The following HSDL2 variants were observed in gnomAD, a reference collection of about 807,000 sequenced individuals.
HSDL2 encodes the protein hydroxysteroid dehydrogenase-like protein 2.
In HSDL2, 27 loss-of-function variants were observed where a neutral mutation model predicts 46.3. That is an observed-to-expected ratio of 0.58 (90% CI 0.43 to 0.80). HSDL2 has a LOEUF of 0.80. Among genes scored for constraint, HSDL2 ranks in the 30% least tolerant of loss-of-function variants. HSDL2 has a pLI of 0.00. For missense variants in HSDL2, 451 were observed against 502.7 expected, an observed-to-expected ratio of 0.90 and a Z score of 0.98; for synonymous variants, 153 against 163.6, an observed-to-expected ratio of 0.94 and a Z score of 0.50.
chr9:112,453,999 A>T lies in HSDL2; in HGVS notation c.866-14A>T. The T allele has an allele frequency of 6.2e-7, 1 of 1,609,894 alleles. No individual in the cohort carries two copies. The highest frequency in any genetic ancestry group is 1.1e-5 in the South Asian group (1 of 90,292). ...CCAAGCATTAAGGTCATTTGCTTCA[A>T]TAATATCTTATAGGTGCTGTTCCAG... On this transcript the variant is annotated splice_polypyrimidine_tract_variant and intron_variant, in intron 8 of 10. Transcript: ENST00000398805.
intron 1 of HSDL2, among the ~76,000 whole-genome samples, chr9:112,384,889 C>T (rs1831183672): frequency 6.6e-6 from 1 of 151,680 alleles, no homozygotes; most frequent in Non-Finnish European, 1.5e-5. Flanking sequence ...GCAGCTGCAT[C>T]GAAAGAAAAA....
At chr9:112,389,630 A>G (rs1305689848) in intron 1 of HSDL2, among the ~76,000 whole-genome samples, 1 of 152,188 alleles carries the variant, frequency 6.6e-6, no homozygotes, top group Non-Finnish European at 1.5e-5. Context: ...GACCTAAATA[A>G]ATGGAATTAT....
intron 3 of HSDL2, among the ~76,000 whole-genome samples, chr9:112,408,557 T>TA (rs1831786583): frequency 6.6e-5 from 10 of 152,226 alleles, no homozygotes; most frequent in Admixed American, 6.5e-4. Flanking sequence ...AGAGTATACT[T>TA]ACACAAACAT....
chr9:112,424,103 G>A (rs1394945902), intron 6 of HSDL2, among the ~76,000 whole-genome samples: 3 of 151,470 alleles, frequency 2.0e-5, no homozygotes, highest in Non-Finnish European at 2.9e-5. Flanking sequence ...GGCGGATCAC[G>A]AGGTCAGGAG....
intron 1 of HSDL2, 121 bp downstream of exon 1, chr9:112,380,301 G>A (rs934201752): frequency 3.3e-6 from 3 of 917,238 alleles, no homozygotes; most frequent in Non-Finnish European, 4.9e-6. Flanking sequence ...ATACTGCCTG[G>A]GCACGCTCTG....
intron 8 of HSDL2, among the ~76,000 whole-genome samples, chr9:112,448,970 A>C (rs1236924939): frequency 1.3e-5 from 2 of 150,090 alleles, no homozygotes; most frequent in Non-Finnish European, 2.9e-5. Flanking sequence ...TTTTTAAAAA[A>C]TAAAAACCCA....
intron 8 of HSDL2, among the ~76,000 whole-genome samples, chr9:112,447,167 A>G (rs1369491991): frequency 6.6e-6 from 1 of 152,196 alleles, no homozygotes; most frequent in Non-Finnish European, 1.5e-5. Flanking sequence ...AGCCTGTGTC[A>G]GGGACTACCA....
At chr9:112,395,985 C>A (rs1373417965) in intron 1 of HSDL2, among the ~76,000 whole-genome samples, 1 of 152,202 alleles carries the variant, frequency 6.6e-6, no homozygotes, top group Non-Finnish European at 1.5e-5. Context: ...AAAAGGATAA[C>A]CTAAACCAGC....
intron 6 of HSDL2, among the ~76,000 whole-genome samples, chr9:112,426,204 C>T (rs1024573411): frequency 6.6e-6 from 1 of 150,620 alleles, no homozygotes; most frequent in Non-Finnish European, 1.5e-5. Flanking sequence ...GGTTTCTTTC[C>T]TACACAATCC....
At chr9:112,455,575 A>C (rs1423162802) in intron 9 of HSDL2, among the ~76,000 whole-genome samples, 1 of 152,068 alleles carries the variant, frequency 6.6e-6, no homozygotes, top group African/African-American at 2.4e-5. Flanking sequence ...AAATCACACC[A>C]CCTGGGTGGA....
intron 9 of HSDL2, among the ~76,000 whole-genome samples, chr9:112,457,073 C>T (rs560875506): frequency 3.3e-5 from 5 of 151,444 alleles, no homozygotes; most frequent in South Asian, 4.2e-4. Context: ...GCTTGAACCC[C>T]GGAGGCGGAG....
chr9:112,447,294 T>A (rs889993481), intron 8 of HSDL2, among the ~76,000 whole-genome samples: 15 of 152,200 alleles, frequency 9.9e-5, no homozygotes, highest in African/African-American at 3.6e-4. Context: ...GTTTTTTTTG[T>A]CTCCTGAAGT....
At chr9:112,407,344 A>C (rs1344877089) in intron 3 of HSDL2, among the ~76,000 whole-genome samples, 2 of 152,214 alleles carry the variant, frequency 1.3e-5, no homozygotes, top group Non-Finnish European at 2.9e-5. Flanking sequence ...TAGTTTATCC[A>C]CTAATTTTTG....
At chr9:112,384,098 A>T (rs1831169259) in intron 1 of HSDL2, among the ~76,000 whole-genome samples, 1 of 152,216 alleles carries the variant, frequency 6.6e-6, no homozygotes, top group Non-Finnish European at 1.5e-5. Flanking sequence ...TTTCCTGGTT[A>T]TACTTGGGTA....
chr9:112,390,097 T>TAAAG (rs1831308106), intron 1 of HSDL2, among the ~76,000 whole-genome samples: 1 of 150,028 alleles, frequency 6.7e-6, no homozygotes. Context: ...AATAAATAAA[T>TAAAG]AAAGTAAAAA....
intron 8 of HSDL2, among the ~76,000 whole-genome samples, chr9:112,450,153 G>A (rs1456614646): frequency 1.3e-5 from 2 of 151,970 alleles, no homozygotes; most frequent in African/African-American, 4.8e-5. Flanking sequence ...GTACGGGCAG[G>A]GTATAGGGGC....
At chr9:112,385,109 CACA>C (rs58515929) in intron 1 of HSDL2, among the ~76,000 whole-genome samples, 1 of 150,818 alleles carries the variant, frequency 6.6e-6, no homozygotes, top group African/African-American at 2.4e-5. Context: ...AAAAGAAAAA[CACA>C]ACAACAACAA....
At chr9:112,441,582 GC>G (rs1832638693) in intron 7 of HSDL2, 116 bp from the exon 8 acceptor site, 1 of 613,330 alleles carries the variant, frequency 1.6e-6, no homozygotes, top group Non-Finnish European at 2.9e-6. Flanking sequence ...TCTCACAGAG[GC>G]CTTTTCTTTT....
intron 10 of HSDL2, among the ~76,000 whole-genome samples, chr9:112,464,948 A>G (rs1833332859): frequency 6.6e-6 from 1 of 152,116 alleles, no homozygotes; most frequent in African/African-American, 2.4e-5. Flanking sequence ...TCAACTTTCT[A>G]TCTCTATGGT....
Sources: gnomAD v4.1 joint callset for allele counts (sites outside exome capture counted in the v4.1 genomes callset) on GRCh38, gnomAD v4.1.1 for gene constraint, MANE v1.5 for transcripts, NCBI Gene and HGNC (gene_info 2026-07-23, HGNC 2026-07-21) for gene names.